Variants in ZNF347 observed in about 807,000 individuals in gnomAD.
The protein encoded by ZNF347 is CTD-2620I22.7.
In ZNF347, 19 loss-of-function variants were observed where a neutral mutation model predicts 12.9. That is an observed-to-expected ratio of 1.47 (90% CI 1.03 to 2.16). The LOEUF (loss-of-function observed/expected upper bound fraction) is 2.16. Among genes scored for constraint, ZNF347 ranks in the 30% most tolerant of loss-of-function variants. ZNF347 has a pLI of 0.00. For synonymous variants in ZNF347, 328 were observed against 340.6 expected (o/e 0.96, Z 0.41); for missense variants, 1,005 against 990.6 (o/e 1.01, Z -0.19).
At position 53,139,206 on chromosome 19, in the gene ZNF347, T is replaced by C. The variant is rs2090403990; in HGVS notation, c.*1102A>G. ...TACTTCCCTAAAACCCATGGTGTCT[T>C]TCTCTCAGAAAAGCACCCTGAACAC... On this transcript the variant is annotated 3_prime_UTR_variant, in exon 5 of 5. Coordinates refer to ENST00000334197, the MANE Select transcript of ZNF347 (RefSeq NM_032584.3). The C allele has an allele frequency of 6.6e-6, 1 of 152,182 alleles. No homozygotes were observed. The highest frequency in any genetic ancestry group is 1.5e-5 in the Non-Finnish European group (1 of 68,036). 9.4% of individuals were successfully genotyped at this position (152,182 alleles called of 1,614,324 possible).
At position 53,141,073 on chromosome 19, in the gene ZNF347, T is replaced by C; in HGVS notation, c.1755A>G (p.Ala585=). 1 of 1,613,852 alleles carries C rather than the reference T, an allele frequency of 6.2e-7. No individual in the cohort carries two copies. Among genetic ancestry groups the C allele is most frequent in the Non-Finnish European group, 8.5e-7 (1 of 1,179,922 alleles). ...CTCCAGTATGAATTCCCCGATGTCT[T>C]GCAAGGTGTGAATTCTGAGTGAAGA... ...GKVFTQNSHL[A]RHRGIHTGEK... The change falls in exon 5 of 5, where the codon GCA becomes GCG. Residue 585 remains alanine, a synonymous_variant. Coordinates refer to ENST00000334197, the MANE Select transcript of ZNF347 (RefSeq NM_032584.3).
intron 2 of ZNF347, among the ~76,000 whole-genome samples, chr19:53,151,220 G>A (rs187224315): frequency 9.8e-4 from 149 of 152,220 alleles, no homozygotes; most frequent in Non-Finnish European, 1.8e-3. Flanking sequence ...CAGGTGTCTG[G>A]GAATAAGAAT....
In ZNF347 at chr19:53,140,449, A is replaced by G; in HGVS notation, c.2379T>C (p.Tyr793=). ...AGATACTAAAGGGTTTCCCACACTCATATGGTTTCTCTCCGGTATGAATTC... is the reference window on the plus strand; with the variant it reads ...AGATACTAAAGGGTTTCCCACACTCGTATGGTTTCTCTCCGGTATGAATTC... ...HQRIHTGEKP[Y]ECGKPFSICS... The change falls in exon 5 of 5, where the codon TAT becomes TAC. Residue 793 remains tyrosine (Y), a synonymous_variant. Coordinates refer to ENST00000334197, the MANE Select transcript of ZNF347 (RefSeq NM_032584.3). 6.2e-7 allele frequency: 1 copy of G among 1,614,084 alleles called. No homozygotes were observed. Among genetic ancestry groups the G allele is most frequent in the Non-Finnish European group, 8.5e-7 (1 of 1,179,996 alleles).
intron 1 of ZNF347, among the ~76,000 whole-genome samples, chr19:53,155,031 A>C (rs1356472077): frequency 2.0e-5 from 3 of 151,488 alleles, no homozygotes; most frequent in Non-Finnish European, 4.4e-5. Context: ...TCCGCCTCCC[A>C]GGTTCAAGCG....
intron 1 of ZNF347, among the ~76,000 whole-genome samples, chr19:53,157,200 A>G (rs1016283830): frequency 2.0e-5 from 3 of 152,208 alleles, no homozygotes; most frequent in Admixed American, 1.3e-4. Flanking sequence ...CGCATTTTAC[A>G]TAAAGGAGTT....
Position 53,141,360 on chromosome 19 carries a change from A to G in ZNF347, c.1468T>C (p.Cys490Arg). 1 of 1,613,986 alleles carries G rather than the reference A, an allele frequency of 6.2e-7. No individual in the cohort carries two copies. Among genetic ancestry groups the G allele is most frequent in the Non-Finnish European group, 8.5e-7 (1 of 1,179,988 alleles). Residue 490 changes from cysteine to arginine, a missense_variant, in exon 5 of 5, where the codon TGT (cysteine) becomes CGT (arginine). Coordinates refer to ENST00000334197, the MANE Select transcript of ZNF347 (RefSeq NM_032584.3). ...TGEKPYKCNE[C>R]GKAFRAHSNL... Reference sequence around the variant, plus strand: ...GAATGTGCTCTAAAGGCTTTGCCACACTCATTACACTTATAAGGTTTCTCT... The same window carrying G: ...GAATGTGCTCTAAAGGCTTTGCCACGCTCATTACACTTATAAGGTTTCTCT...
At position 53,153,620 on chromosome 19, in the gene ZNF347, G is replaced by A. The variant is rs915939695; in HGVS notation, c.15+113C>T. The A allele has an allele frequency of 1.6e-5, 24 of 1,482,090 alleles. No individual in the cohort carries two copies. In the East Asian group the frequency reaches 2.3e-4, roughly 14 times the overall value. The allele number at this position is 1,482,090 out of a possible 1,614,324, so 91.8% of individuals were successfully genotyped here. ...ACTGAGGGAAGGCACGCGTAAGTGC[G>A]AGCAAACCTGTCAGGCAGGACGCTT... On this transcript the variant is annotated intron_variant, in intron 2 of 4. Transcript: ENST00000334197.
At chr19:53,146,370 G>A (rs1323060385) in intron 4 of ZNF347, among the ~76,000 whole-genome samples, 1 of 152,016 alleles carries the variant, frequency 6.6e-6, no homozygotes, top group African/African-American at 2.4e-5. Context: ...GAACTCCTGG[G>A]TTTAACTGAT....
At position 53,141,782 on chromosome 19, in the gene ZNF347, T is replaced by C; in HGVS notation, c.1046A>G (p.Glu349Gly). 6.2e-7 allele frequency: 1 copy of C among 1,613,680 alleles called. No individual in the cohort carries two copies. Among genetic ancestry groups the C allele is most frequent in the Non-Finnish European group, 8.5e-7 (1 of 1,179,844 alleles). Residue 349 changes from glutamate to glycine, a missense_variant, in exon 5 of 5, where the codon GAA (glutamate) becomes GGA (glycine). Physicochemically the swap from Glu to Gly is moderately conservative, Grantham distance 98. Transcript: ENST00000334197. The part of the protein sequence containing the change: ...HTGEKPYKCN[E>G]CGKVFTQNSH... ...ATTCTGAGTGAAGACCTTGCCACAT[T>C]CGTTACATTTATAAGGTTTCTCTCC...
At position 53,141,492 on chromosome 19, in the gene ZNF347, T is replaced by C. The variant is rs761421332; in HGVS notation, c.1336A>G (p.Ile446Val). 1.2e-5 allele frequency: 19 copies of C among 1,614,012 alleles called. No homozygotes were observed. Among genetic ancestry groups the C allele is most frequent in the African/African-American group, 8.0e-5 (6 of 74,900 alleles). Residue 446 changes from isoleucine (I) to valine (V), a missense_variant, in exon 5 of 5, where the codon ATT becomes GTT. Ile to Val is a conservative substitution (Grantham distance 29). Coordinates refer to ENST00000334197, the MANE Select transcript of ZNF347 (RefSeq NM_032584.3). ...KAFGVRSSLAIHLVIHTGEKP... is the reference protein window; with the variant it reads ...KAFGVRSSLAVHLVIHTGEKP... ...TCTCCGGTGTGAATTACCAGATGAA[T>C]AGCTAGGCTTGAACGAACACCAAAG...
At chr19:53,158,239 C>T (rs1473888049) in intron 1 of ZNF347, among the ~76,000 whole-genome samples, 1 of 152,090 alleles carries the variant, frequency 6.6e-6, no homozygotes, top group Non-Finnish European at 1.5e-5. Context: ...GCCTGGGGAG[C>T]AGCAGGGCCC....
intron 4 of ZNF347, among the ~76,000 whole-genome samples, chr19:53,145,395 CTT>C (rs527465408): frequency 4.1e-4 from 57 of 138,132 alleles, no homozygotes; most frequent in Admixed American, 2.9e-4. Flanking sequence ...TAAAACATTT[CTT>C]TTTTTTTTTT....
In ZNF347 at chr19:53,139,422, AG is replaced by A. The variant is rs1475228133; in HGVS notation, c.*885del. 20 of 152,236 alleles carry A rather than the reference AG, an allele frequency of 1.3e-4. No homozygotes were observed. The highest frequency in any genetic ancestry group is 4.8e-4 in the African/African-American group (20 of 41,468). The allele number at this position is 152,236 out of a possible 1,614,324, so 9.4% of individuals were successfully genotyped here. A position where few individuals can be genotyped will look rare whatever the true frequency, so the allele number is the denominator to read the frequency against. On this transcript the variant is annotated 3_prime_UTR_variant, in exon 5 of 5. Transcript: ENST00000334197. ...TTCTTTCCCAGATAGGCACCACGAA[AG>A]GTGCTTAAGGATGCAAAATAGCCAC...
At position 53,140,667 on chromosome 19, in the gene ZNF347, G is replaced by C; in HGVS notation, c.2161C>G (p.Arg721Gly). 1 of 1,612,698 alleles carries C rather than the reference G, an allele frequency of 6.2e-7. No homozygotes were observed. Among genetic ancestry groups the C allele is most frequent in the Non-Finnish European group, 8.5e-7 (1 of 1,179,792 alleles). The change falls in exon 5 of 5, where the codon CGT becomes GGT. Residue 721 changes from arginine to glycine, a missense_variant. Arg to Gly is a moderately radical substitution (Grantham distance 125, BLOSUM62 -2). Coordinates refer to ENST00000334197, the MANE Select transcript of ZNF347 (RefSeq NM_032584.3). ...CNQCGKAFSVRSSLTTHQAIH... is the reference protein window; with the variant it reads ...CNQCGKAFSVGSSLTTHQAIH... ...GCCTGATGGGTAGTTAGGCTTGAAC[G>C]GACACTAAAGGCTTTCCCACACTGA...
rs2090415330 is a variant in ZNF347 at position 53,140,564 on chromosome 19, T to C, written c.2264A>G (p.His755Arg). The C allele has an allele frequency of 1.2e-6, 2 of 1,613,900 alleles. No homozygotes were observed. Among genetic ancestry groups the C allele is most frequent in the African/African-American group, 1.3e-5 (1 of 74,910 alleles). ...VFTQNSHLARHRGIHTGEKPY... is the reference protein window; with the variant it reads ...VFTQNSHLARRRGIHTGEKPY... ...TTTCTCTCCAGTATGAATTCCCCGA[T>C]GTCTTGCAAGGTGTGAATTCTGAGT... The change falls in exon 5 of 5, where the codon CAT becomes CGT. Residue 755 changes from histidine (H) to arginine (R), a missense_variant. Transcript: ENST00000334197.
At chr19:53,151,210 CAGGTGT>C (rs1225299991) in intron 2 of ZNF347, among the ~76,000 whole-genome samples, 1 of 152,092 alleles carries the variant, frequency 6.6e-6, no homozygotes, top group Non-Finnish European at 1.5e-5. Context: ...CATCTGAATC[CAGGTGT>C]CTGGGAATAA....
Position 53,140,248 on chromosome 19 carries a change from G to A in ZNF347, c.*60C>T, listed in dbSNP as rs978766001. On this transcript the variant is annotated 3_prime_UTR_variant, in exon 5 of 5. Coordinates refer to ENST00000334197, the MANE Select transcript of ZNF347 (RefSeq NM_032584.3). Reference sequence around the variant, plus strand: ...TCTCAGGCATAAATTCTCTGACGTTGTCAAAGGAATGAATTCTAACTGCAA... The same window carrying A: ...TCTCAGGCATAAATTCTCTGACGTTATCAAAGGAATGAATTCTAACTGCAA... 2.3e-5 allele frequency: 33 copies of A among 1,447,784 alleles called. No homozygotes were observed. The highest frequency in any genetic ancestry group is 3.0e-5 in the Non-Finnish European group (32 of 1,072,798). 89.7% of individuals were successfully genotyped at this position (1,447,784 alleles called of 1,614,324 possible).
intron 2 of ZNF347, 71 bp downstream of exon 2, chr19:53,153,662 T>G: frequency 6.3e-7 from 1 of 1,583,936 alleles, no homozygotes; most frequent in Non-Finnish European, 8.7e-7. Flanking sequence ...CAGAGAAGAT[T>G]CCCAACTTCA....
chr19:53,143,055 T>G (rs537303616), intron 4 of ZNF347, among the ~76,000 whole-genome samples: 1 of 152,286 alleles, frequency 6.6e-6, no homozygotes, highest in South Asian at 2.1e-4. Flanking sequence ...GCACAACAGT[T>G]TGTTAAGTGA....
Sources: allele counts gnomAD v4.1 joint callset (sites outside exome capture counted in the v4.1 genomes callset), GRCh38; gene constraint gnomAD v4.1.1; transcripts MANE v1.5; gene names NCBI Gene and HGNC (gene_info 2026-07-23, HGNC 2026-07-21).